PITPNC1: variants seen among roughly 807,000 people sequenced by gnomAD.
PITPNC1 encodes phosphatidylinositol transfer protein cytoplasmic 1, also known as cytoplasmic phosphatidylinositol transfer protein 1.
PITPNC1 carries 18 observed loss-of-function variants against 44.7 expected under a neutral mutation model. That is an observed-to-expected ratio of 0.40 (90% CI 0.28 to 0.60). The LOEUF (loss-of-function observed/expected upper bound fraction) is 0.60. PITPNC1 is among the 20% of genes least tolerant of loss of function. PITPNC1 has a pLI of 0.39. For missense variants in PITPNC1, 290 were observed against 418.4 expected (o/e 0.69, Z 2.68); for synonymous variants, 141 against 149.6 (o/e 0.94, Z 0.42).
chr17:67,425,346 ACAGCTTATTCAAGT>A (rs1272800807), intron 1 of PITPNC1, among the ~76,000 whole-genome samples: 17 of 151,860 alleles, frequency 1.1e-4, no homozygotes, highest in African/African-American at 4.1e-4. Context: ...AGAAATGGTC[ACAGCTTATTCAAGT>A]CCTAAACCCT....
chr17:67,674,956 G>A (rs1458054752), intron 7 of PITPNC1, among the ~76,000 whole-genome samples: 1 of 149,700 alleles, frequency 6.7e-6, no homozygotes, highest in Admixed American at 6.7e-5. Flanking sequence ...AGGTTGCTGT[G>A]AGCCAAGATC....
chr17:67,694,654 C>T lies in PITPNC1; in HGVS notation c.*1766C>T, dbSNP rs138000310. 5 of 152,218 alleles carry T rather than the reference C, an allele frequency of 3.3e-5. No homozygotes were observed. The highest frequency in any genetic ancestry group is 1.2e-4 in the African/African-American group (5 of 41,530). The allele number at this position is 152,218 out of a possible 1,614,324, so 9.4% of individuals were successfully genotyped here. A position where few individuals can be genotyped will look rare whatever the true frequency, so the allele number is the denominator to read the frequency against. ...GAATAAACCTAGAACTCAAAGGAAA[C>T]CTGTTGCAAATAGCTTAGATCAACA... is the stretch of plus-strand genomic sequence containing the variant. On this transcript the variant is annotated 3_prime_UTR_variant, in exon 9 of 9. Transcript: ENST00000581322.
At chr17:67,626,873 G>A (rs1252296770) in intron 5 of PITPNC1, among the ~76,000 whole-genome samples, 3 of 151,660 alleles carry the variant, frequency 2.0e-5, no homozygotes, top group African/African-American at 7.3e-5. Context: ...CTGCCATAGA[G>A]TCCTCTTTGG....
chr17:67,642,409 C>T (rs2144352252), intron 6 of PITPNC1, among the ~76,000 whole-genome samples: 1 of 152,246 alleles, frequency 6.6e-6, no homozygotes, highest in Admixed American at 6.5e-5. Context: ...AGGTTTAGGA[C>T]CCTTCAAATC....
chr17:67,689,967 TG>T (rs1229525585), intron 8 of PITPNC1, among the ~76,000 whole-genome samples: 3 of 152,212 alleles, frequency 2.0e-5, no homozygotes, highest in Admixed American at 2.0e-4. Flanking sequence ...TTTTAAAAAT[TG>T]GTAAGTTTAT....
At chr17:67,648,687 G>A (rs2042177647) in intron 6 of PITPNC1, among the ~76,000 whole-genome samples, 1 of 152,150 alleles carries the variant, frequency 6.6e-6, no homozygotes, top group Non-Finnish European at 1.5e-5. Flanking sequence ...CAGTGGCCCA[G>A]ATGACCCTCT....
chr17:67,641,471 G>A (rs536125161), intron 6 of PITPNC1, among the ~76,000 whole-genome samples: 96 of 152,208 alleles, frequency 6.3e-4, no homozygotes, highest in Non-Finnish European at 1.2e-3. Flanking sequence ...TGCAGCACAC[G>A]CCTGTCTAGT....
intron 2 of PITPNC1, among the ~76,000 whole-genome samples, chr17:67,550,258 C>T (rs534098542): frequency 3.9e-5 from 6 of 152,084 alleles, no homozygotes; most frequent in Admixed American, 6.5e-5. Context: ...CCTCAGAGCC[C>T]GCCTAAGAGC....
chr17:67,578,989 T>TA (rs1179505689), intron 5 of PITPNC1, among the ~76,000 whole-genome samples: 2 of 151,892 alleles, frequency 1.3e-5, no homozygotes, highest in African/African-American at 4.8e-5. Flanking sequence ...CTCAAAAAAA[T>TA]AAAAAAAGAG....
intron 5 of PITPNC1, among the ~76,000 whole-genome samples, chr17:67,614,910 G>A (rs1446646862): frequency 6.6e-6 from 1 of 152,110 alleles, no homozygotes; most frequent in East Asian, 1.9e-4. Flanking sequence ...GAGAGTATAT[G>A]TGAGAGCTGG....
At chr17:67,527,551 A>G (rs1448618909) in intron 1 of PITPNC1, among the ~76,000 whole-genome samples, 2 of 152,068 alleles carry the variant, frequency 1.3e-5, no homozygotes, top group Non-Finnish European at 2.9e-5. Flanking sequence ...AAAAATACAA[A>G]AATTAGCTGG....
intron 4 of PITPNC1, among the ~76,000 whole-genome samples, chr17:67,558,942 G>T (rs1209445766): frequency 6.6e-6 from 1 of 152,186 alleles, no homozygotes; most frequent in South Asian, 2.1e-4. Flanking sequence ...TCACAGCTGA[G>T]AGTCTGTCAT....
intron 4 of PITPNC1, among the ~76,000 whole-genome samples, chr17:67,571,535 C>G (rs910841711): frequency 1.3e-5 from 2 of 152,226 alleles, no homozygotes; most frequent in Admixed American, 1.3e-4. Context: ...TTGGCTCAGG[C>G]AACTCACCAG....
At chr17:67,617,792 G>C (rs954078186) in intron 5 of PITPNC1, among the ~76,000 whole-genome samples, 1 of 152,014 alleles carries the variant, frequency 6.6e-6, no homozygotes, top group Admixed American at 6.6e-5. Flanking sequence ...TGCCTTAATC[G>C]TATCTGTGTC....
intron 1 of PITPNC1, among the ~76,000 whole-genome samples, chr17:67,512,511 A>AC (rs1568021009): frequency 1.1e-4 from 17 of 150,704 alleles, no homozygotes; most frequent in African/African-American, 3.2e-4. Flanking sequence ...AAAAAAAAAA[A>AC]AAAAAAAAAA....
At chr17:67,379,596 G>C (rs1169830640) in intron 1 of PITPNC1, among the ~76,000 whole-genome samples, 1 of 152,176 alleles carries the variant, frequency 6.6e-6, no homozygotes, top group African/African-American at 2.4e-5. Context: ...AGAGATTCGA[G>C]TTGCATATGA....
At chr17:67,610,454 AAAT>A (rs1162568634) in intron 5 of PITPNC1, among the ~76,000 whole-genome samples, 8 of 152,242 alleles carry the variant, frequency 5.3e-5, no homozygotes, top group African/African-American at 1.4e-4. Flanking sequence ...TAAACTTAGT[AAAT>A]GGGCTTCATC....
chr17:67,631,120 G>A (rs1246054625), intron 5 of PITPNC1, among the ~76,000 whole-genome samples: 1 of 147,994 alleles, frequency 6.8e-6, no homozygotes, highest in African/African-American at 2.5e-5. Flanking sequence ...TGCATTCTGG[G>A]CCAGTGAAAC....
chr17:67,470,579 G>GA (rs1262554336), intron 1 of PITPNC1, among the ~76,000 whole-genome samples: 2 of 151,984 alleles, frequency 1.3e-5, no homozygotes, highest in Non-Finnish European at 2.9e-5. Flanking sequence ...AGGGAGGTGG[G>GA]GGGGGTCAGC....
Sources: gnomAD v4.1 joint callset for allele counts (sites outside exome capture counted in the v4.1 genomes callset) on GRCh38, gnomAD v4.1.1 for gene constraint, MANE v1.5 for transcripts, NCBI Gene and HGNC (gene_info 2026-07-23, HGNC 2026-07-21) for gene names.